CLIC5: variants seen among roughly 807,000 people sequenced by gnomAD.
CLIC5 encodes the protein chloride intracellular channel protein 5.
CLIC5 carries 20 observed loss-of-function variants against 24.7 expected under a neutral mutation model. The ratio of observed to expected loss-of-function variants is 0.81; its 90% CI spans 0.57 to 1.18. CLIC5 has a LOEUF of 1.18. Among genes scored for constraint, CLIC5 ranks in the 50% most tolerant of loss-of-function variants. CLIC5 has a pLI of 0.00. For synonymous variants in CLIC5, 159 were observed against 135.6 expected, an observed-to-expected ratio of 1.17 and a Z score of -1.20; for missense variants, 341 against 326.1, an observed-to-expected ratio of 1.05 and a Z score of -0.35.
At chr6:46,028,797 T>C (rs559190853) in intron 1 of CLIC5, among the ~76,000 whole-genome samples, 91 of 152,346 alleles carry the variant, frequency 6.0e-4, no homozygotes, top group African/African-American at 2.1e-3. Flanking sequence ...CAAACCTACA[T>C]AGGCACATCA....
chr6:46,064,326 G>T (rs1425150724), intron 1 of CLIC5, among the ~76,000 whole-genome samples: 1 of 151,936 alleles, frequency 6.6e-6, no homozygotes, highest in East Asian at 1.9e-4. Flanking sequence ...CTCTAGTAAA[G>T]ATAGTTTTAC....
chr6:46,032,475 C>G (rs139792510), intron 1 of CLIC5, among the ~76,000 whole-genome samples: 22 of 152,292 alleles, frequency 1.4e-4, no homozygotes, highest in African/African-American at 5.3e-4. Flanking sequence ...TATCATCTGA[C>G]TTTCTCCTTT....
At chr6:45,981,115 A>G (rs533507686) in intron 1 of CLIC5, among the ~76,000 whole-genome samples, 1 of 151,792 alleles carries the variant, frequency 6.6e-6, no homozygotes, top group South Asian at 2.1e-4. Flanking sequence ...AAACTACAAT[A>G]TTTACCACCA....
At chr6:46,013,224 A>C (rs1766868389) in intron 1 of CLIC5, among the ~76,000 whole-genome samples, 1 of 152,248 alleles carries the variant, frequency 6.6e-6, no homozygotes. Flanking sequence ...CCTGCCCTGC[A>C]GAAAGAGCTT....
intron 1 of CLIC5, among the ~76,000 whole-genome samples, chr6:45,979,655 T>A (rs1241726292): frequency 8.2e-6 from 1 of 121,776 alleles, no homozygotes; most frequent in Non-Finnish European, 2.0e-5. Flanking sequence ...AGTTACTAGA[T>A]GAAATAATCA....
the CLIC5 span, among the ~76,000 whole-genome samples, chr6:46,113,677 C>T: frequency 4.6e-5 from 7 of 152,128 alleles, no homozygotes; most frequent in African/African-American, 1.7e-4. Context: ...GTCCCTGCCC[C>T]CTTAAAGTTC....
At chr6:45,919,960 T>C (rs1763189973) in intron 4 of CLIC5, among the ~76,000 whole-genome samples, 1 of 152,196 alleles carries the variant, frequency 6.6e-6, no homozygotes, top group South Asian at 2.1e-4. Flanking sequence ...GCAGGGCTAT[T>C]AGATTCTAAA....
At chr6:46,113,160 CA>C in the CLIC5 span, among the ~76,000 whole-genome samples, 12 of 152,118 alleles carry the variant, frequency 7.9e-5, no homozygotes, top group Non-Finnish European at 4.4e-5. Context: ...CGCAACTACT[CA>C]GGGGTCAGAT....
At chr6:45,995,542 G>T (rs904597901) in intron 1 of CLIC5, among the ~76,000 whole-genome samples, 1 of 152,168 alleles carries the variant, frequency 6.6e-6, no homozygotes, top group Non-Finnish European at 1.5e-5. Flanking sequence ...ACAATACTGG[G>T]TTGACATTTC....
the CLIC5 span, among the ~76,000 whole-genome samples, chr6:46,096,390 C>T: frequency 6.6e-6 from 1 of 152,214 alleles, no homozygotes; most frequent in South Asian, 2.1e-4. Flanking sequence ...TATATCCACA[C>T]CGTGCAATGC....
intron 1 of CLIC5, among the ~76,000 whole-genome samples, chr6:45,960,536 G>C (rs931270334): frequency 2.0e-5 from 3 of 152,134 alleles, no homozygotes; most frequent in Non-Finnish European, 4.4e-5. Context: ...GTGAGGGCAC[G>C]CAGTGGAGCC....
chr6:46,103,240 G>T, the CLIC5 span, among the ~76,000 whole-genome samples: 2 of 152,058 alleles, frequency 1.3e-5, no homozygotes, highest in Non-Finnish European at 2.9e-5. Flanking sequence ...TTTCCTGTAG[G>T]CTTTTGAAAA....
At chr6:45,911,143 T>A (rs1762805895) in intron 5 of CLIC5, among the ~76,000 whole-genome samples, 1 of 152,202 alleles carries the variant, frequency 6.6e-6, no homozygotes, top group South Asian at 2.1e-4. Context: ...AATTCCAACC[T>A]CTTCCCTTTG....
At chr6:46,033,188 C>T (rs1482242012) in intron 1 of CLIC5, among the ~76,000 whole-genome samples, 1 of 151,742 alleles carries the variant, frequency 6.6e-6, no homozygotes, top group Non-Finnish European at 1.5e-5. Context: ...AGGGTTTCAC[C>T]ATATTGGCCA....
the CLIC5 span, among the ~76,000 whole-genome samples, chr6:46,087,263 G>A: frequency 6.6e-6 from 1 of 152,118 alleles, no homozygotes; most frequent in Non-Finnish European, 1.5e-5. Flanking sequence ...GATGAGGAAG[G>A]AAAACACAAA....
intron 2 of CLIC5, 114 bp from the exon 3 acceptor site, chr6:45,949,495 T>A: frequency 8.4e-7 from 1 of 1,185,730 alleles, no homozygotes; most frequent in Non-Finnish European, 1.2e-6. Context: ...GCCTGTCAGG[T>A]GAAACAGATT....
chr6:45,951,706 T>C (rs532604332), intron 2 of CLIC5, among the ~76,000 whole-genome samples: 1 of 152,142 alleles, frequency 6.6e-6, no homozygotes, highest in Non-Finnish European at 1.5e-5. Flanking sequence ...CCCCAAATGC[T>C]CTCTCTGAGA....
At chr6:45,930,123 T>C (rs35100364) in intron 4 of CLIC5, among the ~76,000 whole-genome samples, 18,710 of 152,094 alleles carry the variant, frequency 0.12, 2,520 homozygotes, top group African/African-American at 0.33. Context: ...AATGCCCCAC[T>C]TCACTGTCCC....
chr6:46,083,525 A>G (rs10807332), upstream of CLIC5, among the ~76,000 whole-genome samples: 18,400 of 150,078 alleles, frequency 0.12, 1,061 homozygotes, highest in South Asian at 0.29. Flanking sequence ...CCTTCATTTC[A>G]TTATGTACCC....
Sources: allele counts gnomAD v4.1 joint callset (sites outside exome capture counted in the v4.1 genomes callset), GRCh38; gene constraint gnomAD v4.1.1; transcripts MANE v1.5; gene names NCBI Gene and HGNC (gene_info 2026-07-23, HGNC 2026-07-21).